Variants in COPG2 observed in about 807,000 individuals in gnomAD.
The protein encoded by COPG2 is coat protein complex I subunit gamma 2, also known as coatomer subunit gamma-2.
Under a neutral mutation model 46.3 loss-of-function variants are expected in COPG2, and 37 were observed. The observed-to-expected ratio is 0.80, with a 90% CI of 0.61 to 1.05. The LOEUF (loss-of-function observed/expected upper bound fraction) is 1.05, where lower values mean the gene tolerates loss of function less well. COPG2 is among the 50% of genes least tolerant of loss of function. The probability of loss-of-function intolerance (pLI) is 0.00; values close to 1 mark genes in which losing one functional copy is unlikely to be tolerated. For synonymous variants in COPG2, 159 were observed against 129.7 expected (o/e 1.23, Z -1.53); for missense variants, 427 against 387.8 (o/e 1.10, Z -0.85).
chr7:130,584,725 T>A lies in COPG2; in HGVS notation c.738-20332A>T, dbSNP rs1343906345. On this transcript the variant is annotated intron_variant, in intron 9 of 23. Transcript: ENST00000425248. ...CCTTTTACAATAGCTGCAAAAAAAATAAAATACTTAGGAATATATCTAACC... is the reference window on the plus strand; with the variant it reads ...CCTTTTACAATAGCTGCAAAAAAAAAAAAATACTTAGGAATATATCTAACC... Among the ~76,000 whole-genome samples the A allele has an allele frequency of 2.6e-5, 4 of 151,600 alleles. No individual in the cohort carries two copies. In the East Asian group the frequency reaches 5.8e-4, roughly 22 times the overall value.
rs144636401 is a variant in COPG2, at chr7:130,506,541, C to G, written c.*135G>C. The G allele has an allele frequency of 1.5e-3, 731 of 489,618 alleles. 1 individual carries two copies. Among genetic ancestry groups the G allele is most frequent in the Non-Finnish European group, 2.2e-3 (606 of 276,258 alleles). The allele number at this position is 489,618 out of a possible 1,614,324, so 30.3% of individuals were successfully genotyped here. A position where few individuals can be genotyped will look rare whatever the true frequency, so the allele number is the denominator to read the frequency against. On this transcript the variant is annotated 3_prime_UTR_variant, in exon 24 of 24. Coordinates refer to ENST00000425248, the MANE Select transcript of COPG2 (RefSeq NM_012133.6). ...GATAGACATTTGCTTGATCTGCTGG[C>G]TCAGGGCCAAATGTTTAATTTGCTT...
intron 20 of COPG2, chr7:130,510,161 TG>T (rs371901742): frequency 1.8e-4 from 94 of 520,118 alleles, no homozygotes; most frequent in South Asian, 1.3e-3. Flanking sequence ...AAGCCACTGG[TG>T]GGGACTATGA....
At chr7:130,551,187 G>A (rs1246306188) in intron 16 of COPG2, 54 bp downstream of exon 16, 1 of 397,990 alleles carries the variant, frequency 2.5e-6, no homozygotes, top group East Asian at 3.6e-5. Flanking sequence ...CATAAAATAT[G>A]CTTCCAAGAC....
At chr7:130,652,796 A>C (rs782264614) in intron 5 of COPG2, 73 bp downstream of exon 5, 2 of 956,852 alleles carry the variant, frequency 2.1e-6, no homozygotes, top group Non-Finnish European at 3.3e-6. Flanking sequence ...TCTTATGGTC[A>C]AAAAATGAAA....
At chr7:130,522,946 T>C (rs925911246) in intron 20 of COPG2, among the ~76,000 whole-genome samples, 65 of 150,866 alleles carry the variant, frequency 4.3e-4, no homozygotes, top group Non-Finnish European at 5.6e-4. Flanking sequence ...GGCGAAACCC[T>C]GTCTCTACTT....
At chr7:130,602,021 C>G (rs1434508140) in intron 9 of COPG2, among the ~76,000 whole-genome samples, 2 of 152,188 alleles carry the variant, frequency 1.3e-5, no homozygotes, top group African/African-American at 4.8e-5. Flanking sequence ...GCCCAGATGA[C>G]TGCAGGCTAG....
At position 130,604,897 on chromosome 7, in the gene COPG2, C is replaced by T. The variant is rs138551934; in HGVS notation, c.737+6056G>A. Among the ~76,000 whole-genome samples, 417 of 152,154 alleles carry T rather than the reference C, an allele frequency of 2.7e-3. 1 individual carries two copies. Among genetic ancestry groups the T allele is most frequent in the Admixed American group, 6.1e-3 (93 of 15,290 alleles). On this transcript the variant is annotated intron_variant, in intron 9 of 23. Transcript: ENST00000425248. ...AATTGCCATTAAATTTTATCAACCG[C>T]TTTTTTCTGCACCCATTAAGGCATT...
chr7:130,653,748 C>G (rs556380903), intron 4 of COPG2, among the ~76,000 whole-genome samples: 1 of 152,112 alleles, frequency 6.6e-6, no homozygotes, highest in Admixed American at 6.5e-5. Flanking sequence ...CCAAATACAT[C>G]AGACGCAGCT....
At chr7:130,549,743 T>C (rs997146516) in intron 17 of COPG2, among the ~76,000 whole-genome samples, 13 of 152,194 alleles carry the variant, frequency 8.5e-5, no homozygotes, top group African/African-American at 3.1e-4. Context: ...AAGCATAAAA[T>C]TGTTTCTTCC....
At chr7:130,631,172 C>CTTTTTTTTTTTTT (rs55966949) in intron 5 of COPG2, among the ~76,000 whole-genome samples, 4 of 102,338 alleles carry the variant, frequency 3.9e-5, no homozygotes, top group African/African-American at 7.2e-5. Flanking sequence ...TTTTTCTTTT[C>CTTTTTTTTTTTTT]TTTTTTTTTT....
intron 20 of COPG2, among the ~76,000 whole-genome samples, chr7:130,545,203 TTCATC>T (rs1793419416): frequency 7.5e-6 from 1 of 133,266 alleles, no homozygotes; most frequent in Non-Finnish European, 1.7e-5. Context: ...TTCATTTCAT[TTCATC>T]CTATAACAGT....
intron 9 of COPG2, among the ~76,000 whole-genome samples, chr7:130,587,709 A>T (rs1341408943): frequency 1.3e-5 from 2 of 152,092 alleles, no homozygotes; most frequent in African/African-American, 2.4e-5. Flanking sequence ...AACCTAGGCA[A>T]TACCATTCAG....
rs1357758502 is a variant in COPG2, at chr7:130,547,772, T to C, written c.2051A>G (p.Tyr684Cys). The change falls in exon 20 of 24, where the codon TAT (tyrosine) becomes TGT (cysteine). Residue 684 changes from tyrosine (Y) to cysteine (C), a missense_variant. Coordinates refer to ENST00000425248, the MANE Select transcript of COPG2 (RefSeq NM_012133.6). ...VTVQMEPSDS[Y>C]EVLSCIPAPS... ...GGCTGGGATACAAGACAGCACTTCA[T>C]AGGAATCTGATGGCTCCATCTGCAC... 5 of 398,846 alleles carry C rather than the reference T, an allele frequency of 1.3e-5. No homozygotes were observed. The highest frequency in any genetic ancestry group is 4.1e-5 in the African/African-American group (2 of 48,766). The allele number at this position is 398,846 out of a possible 1,614,324, so 24.7% of individuals were successfully genotyped here.
intron 20 of COPG2, among the ~76,000 whole-genome samples, chr7:130,517,196 A>G (rs1384177981): frequency 6.6e-6 from 1 of 152,200 alleles, no homozygotes; most frequent in Non-Finnish European, 1.5e-5. Context: ...TAAAGGAACC[A>G]TTCTTGGATC....
intron 7 of COPG2, among the ~76,000 whole-genome samples, chr7:130,612,515 C>G (rs1308336058): frequency 6.6e-6 from 1 of 152,144 alleles, no homozygotes; most frequent in African/African-American, 2.4e-5. Context: ...GGACAGTCAA[C>G]AGAACGGTGC....
Position 130,511,600 on chromosome 7 carries a change from T to C in COPG2, c.2150-2941A>G, listed in dbSNP as rs202108773. 636 of 519,008 alleles carry C rather than the reference T, an allele frequency of 1.2e-3. 5 individuals are homozygous for C. The Middle Eastern group carries it at 0.027, about 22-fold the overall frequency. 32.2% of individuals were successfully genotyped at this position (519,008 alleles called of 1,614,324 possible). ...TGAAAAGGAGTTGGTCACTAAGGAATGACACACATCAACAGGAAGGTAAGA... is the reference window on the plus strand; with the variant it reads ...TGAAAAGGAGTTGGTCACTAAGGAACGACACACATCAACAGGAAGGTAAGA... On this transcript the variant is annotated intron_variant, in intron 20 of 23. Coordinates refer to ENST00000425248, the MANE Select transcript of COPG2 (RefSeq NM_012133.6).
chr7:130,626,274 C>T (rs572190089), intron 5 of COPG2, among the ~76,000 whole-genome samples: 1 of 152,202 alleles, frequency 6.6e-6, no homozygotes, highest in African/African-American at 2.4e-5. Flanking sequence ...AATGACATCT[C>T]CAACCAGAAA....
chr7:130,535,647 G>C (rs1037007031), intron 20 of COPG2, among the ~76,000 whole-genome samples: 36 of 149,420 alleles, frequency 2.4e-4, no homozygotes, highest in African/African-American at 7.2e-4. Context: ...GCTGGGTGGA[G>C]GGGATGGGGT....
chr7:130,515,383 T>C (rs1433408235), intron 20 of COPG2, among the ~76,000 whole-genome samples: 1 of 152,094 alleles, frequency 6.6e-6, no homozygotes, highest in Non-Finnish European at 1.5e-5. Context: ...GTAAGAACTC[T>C]ATCACAAGAA....
Sources: gnomAD v4.1 joint callset for allele counts (sites outside exome capture counted in the v4.1 genomes callset) on GRCh38, gnomAD v4.1.1 for gene constraint, MANE v1.5 for transcripts, NCBI Gene and HGNC (gene_info 2026-07-23, HGNC 2026-07-21) for gene names.